Variants in TESMIN observed in about 807,000 individuals in gnomAD.
TESMIN encodes CXC domain containing 2.
Under a neutral mutation model 47.4 loss-of-function variants are expected in TESMIN, and 34 were observed. The observed-to-expected ratio is 0.72, with a 90% CI of 0.55 to 0.96. TESMIN has a LOEUF of 0.96. Ranked by LOEUF, TESMIN falls within the 40% of genes least tolerant of loss-of-function variation. TESMIN has a pLI of 0.00. For synonymous variants in TESMIN, 278 were observed against 258.9 expected, an observed-to-expected ratio of 1.07 and a Z score of -0.71; for missense variants, 610 against 637.2, an observed-to-expected ratio of 0.96 and a Z score of 0.46.
intron 7 of TESMIN, 78 bp from the exon 8 acceptor site, chr11:68,713,485 A>G (rs1566312351): frequency 1.6e-5 from 25 of 1,519,072 alleles, no homozygotes; most frequent in Non-Finnish European, 2.0e-5. Flanking sequence ...TCTCATTTGA[A>G]TCTGATTGTT....
rs143119795 is a variant in TESMIN, at chr11:68,707,533, C to T, written c.*775G>A. 36 of 186,430 alleles carry T rather than the reference C, an allele frequency of 1.9e-4. No homozygotes were observed. The East Asian group carries it at 3.3e-3, about 17-fold the overall frequency. 11.5% of individuals were successfully genotyped at this position (186,430 alleles called of 1,614,324 possible). A position where few individuals can be genotyped will look rare whatever the true frequency, so the allele number is the denominator to read the frequency against. On this transcript the variant is annotated 3_prime_UTR_variant, in exon 10 of 10. Transcript: ENST00000255087. ...CATTTTACCTGCTGGTTTCCACAAG[C>T]TAGTTATGTGAACCATGTTTTACAA...
intron 6 of TESMIN, among the ~76,000 whole-genome samples, chr11:68,730,788 C>G (rs1258714504): frequency 2.8e-5 from 4 of 143,046 alleles, no homozygotes; most frequent in African/African-American, 1.1e-4. Context: ...AACAGCCAGA[C>G]TTTGTCTCAA....
chr11:68,730,305 C>T (rs544142305), intron 6 of TESMIN, among the ~76,000 whole-genome samples: 9 of 152,270 alleles, frequency 5.9e-5, no homozygotes, highest in Admixed American at 1.3e-4. Context: ...GTACCTCCAA[C>T]GCAAGCCTGT....
At chr11:68,744,405 C>T (rs1404040045) in intron 4 of TESMIN, among the ~76,000 whole-genome samples, 1 of 152,166 alleles carries the variant, frequency 6.6e-6, no homozygotes, top group East Asian at 1.9e-4. Context: ...TCTAATCATG[C>T]ATAAGGAATT....
At chr11:68,750,045 C>T in intron 2 of TESMIN, 145 bp downstream of exon 2, 1 of 641,626 alleles carries the variant, frequency 1.6e-6, no homozygotes, top group Non-Finnish European at 2.4e-6. Context: ...TACGCTCTAC[C>T]GAGAATCAGT....
intron 6 of TESMIN, among the ~76,000 whole-genome samples, chr11:68,726,000 G>T (rs764559897): frequency 6.6e-6 from 1 of 152,164 alleles, no homozygotes; most frequent in African/African-American, 2.4e-5. Flanking sequence ...AACCAAAGGC[G>T]CTGGTTTTAA....
At chr11:68,721,978 C>A (rs919620160) in intron 6 of TESMIN, among the ~76,000 whole-genome samples, 1 of 152,092 alleles carries the variant, frequency 6.6e-6, no homozygotes, top group African/African-American at 2.4e-5. Flanking sequence ...TGGGTATGTA[C>A]GCAAAAGGAG....
chr11:68,709,705 A>T (rs962234130), intron 9 of TESMIN, among the ~76,000 whole-genome samples: 1 of 152,242 alleles, frequency 6.6e-6, no homozygotes, highest in Non-Finnish European at 1.5e-5. Context: ...AGAAGAAAAG[A>T]TAGGGCTGCC....
chr11:68,726,467 C>A (rs1369771861), intron 6 of TESMIN, among the ~76,000 whole-genome samples: 1 of 152,010 alleles, frequency 6.6e-6, no homozygotes, highest in South Asian at 2.1e-4. Context: ...GATTATAATT[C>A]GCAGTTTAAA....
chr11:68,749,860 C>T (rs1269179706), intron 2 of TESMIN, among the ~76,000 whole-genome samples: 1 of 152,166 alleles, frequency 6.6e-6, no homozygotes, highest in East Asian at 1.9e-4. Context: ...CTCCTTAAGC[C>T]AAGGATAGCA....
intron 5 of TESMIN, 149 bp downstream of exon 5, chr11:68,742,169 G>C (rs1465818646): frequency 1.7e-6 from 1 of 572,332 alleles, no homozygotes; most frequent in Non-Finnish European, 3.0e-6. Context: ...TGACACAGTG[G>C]GGCAGGGACT....
Position 68,721,519 on chromosome 11 carries a change from T to C in TESMIN, c.918-5580A>G, listed in dbSNP as rs908154905. ...AATTACATGATGATTCATATGGGAA[T>C]AGTCACTTTAGACTGTGAGTGCTGG... On this transcript the variant is annotated intron_variant, in intron 6 of 9. Transcript: ENST00000255087. 2.6e-5 allele frequency among the ~76,000 whole-genome samples: 4 copies of C among 152,328 alleles called. No individual in the cohort carries two copies. The East Asian group carries it at 5.8e-4, about 22-fold the overall frequency.
chr11:68,738,597 T>C, intron 6 of TESMIN, 103 bp downstream of exon 6: 2 of 1,549,722 alleles, frequency 1.3e-6, no homozygotes, highest in Non-Finnish European at 1.7e-6. Context: ...CATGAAGGTG[T>C]GCAGTGAAGC....
intron 5 of TESMIN, among the ~76,000 whole-genome samples, chr11:68,739,195 G>A (rs1252273875): frequency 6.6e-6 from 1 of 152,236 alleles, no homozygotes; most frequent in Non-Finnish European, 1.5e-5. Context: ...GACATTTGAA[G>A]TCTTGTTGGC....
In TESMIN at chr11:68,715,814, T is replaced by C. The variant is rs781369043; in HGVS notation, c.1020+23A>G. 25 of 1,479,982 alleles carry C rather than the reference T, an allele frequency of 1.7e-5. No homozygotes were observed. In the African/African-American group the frequency reaches 2.2e-4, roughly 13 times the overall value. The allele number at this position is 1,479,982 out of a possible 1,614,324, so 91.7% of individuals were successfully genotyped here. On this transcript the variant is annotated intron_variant, in intron 7 of 9. Transcript: ENST00000255087. The stretch of plus-strand genomic sequence containing the variant: ...CAGTTTGAAATGCTTTTAAAATGCA[T>C]ACATTTAATGGACATTTATTACCTT...
At chr11:68,725,641 G>T (rs7947787) in intron 6 of TESMIN, among the ~76,000 whole-genome samples, 1,372 of 28,902 alleles carry the variant, frequency 0.047, 12 homozygotes, top group African/African-American at 0.067. Flanking sequence ...ACAGTTTTTT[G>T]TTGTTGTTGT....
chr11:68,710,224 T>A lies in TESMIN; in HGVS notation c.1334+650A>T, dbSNP rs534729846. ...TGATATCTCTCTAACCAAATAAGCA[T>A]GAATTTGGCTTTGCAAAATATTAAT... On this transcript the variant is annotated intron_variant, in intron 9 of 9. Transcript: ENST00000255087. Among the ~76,000 whole-genome samples the A allele has an allele frequency of 7.2e-5, 11 of 152,340 alleles. No individual in the cohort carries two copies. The East Asian group carries it at 2.1e-3, about 29-fold the overall frequency.
intron 6 of TESMIN, among the ~76,000 whole-genome samples, chr11:68,720,626 A>C (rs559231302): frequency 6.6e-6 from 1 of 152,238 alleles, no homozygotes; most frequent in Non-Finnish European, 1.5e-5. Context: ...GTGCTGCTCC[A>C]GCCACTCTCT....
chr11:68,746,892 T>C (rs190775972), intron 3 of TESMIN, among the ~76,000 whole-genome samples: 1 of 152,278 alleles, frequency 6.6e-6, no homozygotes, highest in African/African-American at 2.4e-5. Context: ...CCCACACCAA[T>C]ATGCCAAACC....
Sources: allele counts gnomAD v4.1 joint callset (sites outside exome capture counted in the v4.1 genomes callset), GRCh38; gene constraint gnomAD v4.1.1; transcripts MANE v1.5; gene names NCBI Gene and HGNC (gene_info 2026-07-23, HGNC 2026-07-21).